The following KALRN variants were observed in gnomAD, a reference collection of about 807,000 sequenced individuals.
KALRN encodes the protein kalirin.
A neutral mutation model predicts 353.7 loss-of-function variants in KALRN; 70 were observed. That is an observed-to-expected ratio of 0.20 (90% CI 0.16 to 0.24). The LOEUF (loss-of-function observed/expected upper bound fraction) is 0.24, where lower values mean the gene tolerates loss of function less well. Ranked by LOEUF, KALRN falls within the 10% of genes least tolerant of loss-of-function variation. The pLI is 1.00. For synonymous variants in KALRN, 1,391 were observed against 1,434.8 expected (o/e 0.97, Z 0.69); for missense variants, 2,791 against 3,756.7 (o/e 0.74, Z 6.72).
intron 13 of KALRN, among the ~76,000 whole-genome samples, chr3:124,400,336 C>T (rs374497027): frequency 6.6e-6 from 1 of 152,158 alleles, no homozygotes; most frequent in East Asian, 1.9e-4. Context: ...ATCTGTACTC[C>T]TGCCTCCTTG....
chr3:124,284,163 G>C (rs1265612680), intron 5 of KALRN, among the ~76,000 whole-genome samples: 1 of 152,104 alleles, frequency 6.6e-6, no homozygotes, highest in Non-Finnish European at 1.5e-5. Context: ...AGGCTGGCTT[G>C]GTCTCCCCTT....
intron 1 of KALRN, among the ~76,000 whole-genome samples, chr3:124,132,055 T>C (rs892946100): frequency 6.6e-6 from 1 of 152,226 alleles, no homozygotes; most frequent in South Asian, 2.1e-4. Flanking sequence ...GGCTGTTTTT[T>C]ACAAGTAGAT....
intron 57 of KALRN, among the ~76,000 whole-genome samples, chr3:124,707,383 G>A (rs536599656): frequency 1.9e-4 from 28 of 150,450 alleles, no homozygotes; most frequent in Non-Finnish European, 3.5e-4. Context: ...TAATGACAAG[G>A]AGAATAGCAG....
chr3:124,474,439 C>G (rs924025028), intron 25 of KALRN, among the ~76,000 whole-genome samples: 13 of 151,846 alleles, frequency 8.6e-5, no homozygotes, highest in Non-Finnish European at 1.6e-4. Context: ...GTGTTCACTC[C>G]GAGAGAAAGA....
At chr3:124,416,017 G>A (rs2092473526) in intron 14 of KALRN, among the ~76,000 whole-genome samples, 1 of 152,170 alleles carries the variant, frequency 6.6e-6, no homozygotes, top group Admixed American at 6.5e-5. Flanking sequence ...CCTGGACTCG[G>A]GATTTAGCCC....
chr3:124,663,355 G>C (rs1334280191), intron 45 of KALRN, among the ~76,000 whole-genome samples: 1 of 152,140 alleles, frequency 6.6e-6, no homozygotes, highest in Admixed American at 6.5e-5. Flanking sequence ...TCCCAATAAG[G>C]TCACATGCTG....
intron 33 of KALRN, among the ~76,000 whole-genome samples, chr3:124,538,173 C>G (rs1321130221): frequency 6.6e-6 from 1 of 152,110 alleles, no homozygotes; most frequent in African/African-American, 2.4e-5. Flanking sequence ...CTTCTTTCAG[C>G]ACAGCAGGAC....
chr3:124,104,798 G>A (rs569951046), intron 1 of KALRN, among the ~76,000 whole-genome samples: 2 of 152,326 alleles, frequency 1.3e-5, no homozygotes, highest in East Asian at 3.9e-4. Context: ...GGTTGGAGAA[G>A]TAAGTCTTCT....
chr3:124,321,038 T>C (rs986605986), intron 6 of KALRN, among the ~76,000 whole-genome samples: 4 of 152,358 alleles, frequency 2.6e-5, no homozygotes, highest in Admixed American at 2.0e-4. Context: ...ATACTTTGAT[T>C]TGGTATACAC....
chr3:124,694,930 A>G (rs2061982353), intron 53 of KALRN, among the ~76,000 whole-genome samples: 1 of 152,244 alleles, frequency 6.6e-6, no homozygotes, highest in African/African-American at 2.4e-5. Context: ...ACCCTGGTAG[A>G]TGATCTTTCC....
intron 34 of KALRN, among the ~76,000 whole-genome samples, chr3:124,607,132 C>T (rs748992692): frequency 5.9e-5 from 9 of 152,134 alleles, no homozygotes; most frequent in African/African-American, 2.4e-5. Flanking sequence ...TTTGTAATAG[C>T]GAACAAGAAC....
At chr3:124,600,392 A>T (rs2076681051) in intron 34 of KALRN, among the ~76,000 whole-genome samples, 1 of 151,932 alleles carries the variant, frequency 6.6e-6, no homozygotes, top group African/African-American at 2.4e-5. Flanking sequence ...ATTGGTTTCA[A>T]CTCTTGTTTG....
intron 45 of KALRN, among the ~76,000 whole-genome samples, chr3:124,664,371 G>GCGCGCACGCGCGCGCGCGCA (rs1553719843): frequency 1.3e-5 from 1 of 77,044 alleles, no homozygotes; most frequent in Admixed American, 1.2e-4. Flanking sequence ...GTGTGTGTGT[G>GCGCGCACGCGCGCGCGCGCA]CGCGCGCGCG....
chr3:124,440,710 T>A (rs1262092540), intron 18 of KALRN, among the ~76,000 whole-genome samples: 4 of 151,774 alleles, frequency 2.6e-5, no homozygotes, highest in African/African-American at 4.8e-5. Flanking sequence ...AAGAAAAAAA[T>A]TTCAAAGAAA....
chr3:124,550,882 G>A (rs188026802), intron 33 of KALRN, among the ~76,000 whole-genome samples: 2,512 of 152,154 alleles, frequency 0.017, 63 homozygotes, highest in African/African-American at 0.056. Flanking sequence ...CCAGCTACTC[G>A]GGAGGCTGCG....
At chr3:124,152,128 A>T in intron 1 of KALRN, 3 of 1,296,542 alleles carry the variant, frequency 2.3e-6, no homozygotes, top group South Asian at 2.4e-5. Context: ...TATAGATCTC[A>T]TGAATCAGAT....
chr3:124,062,700 A>G (rs952775148), intron 1 of KALRN, among the ~76,000 whole-genome samples: 1 of 152,188 alleles, frequency 6.6e-6, no homozygotes, highest in African/African-American at 2.4e-5. Context: ...GTGCCTTAGA[A>G]AAATGGAGGC....
chr3:124,712,563 G>A (rs2062940732), intron 57 of KALRN, among the ~76,000 whole-genome samples: 1 of 150,266 alleles, frequency 6.7e-6, no homozygotes, highest in South Asian at 2.1e-4. Flanking sequence ...GGAGGCCGAA[G>A]CAAGAGGCTT....
chr3:124,551,506 A>G (rs541729151), intron 33 of KALRN, among the ~76,000 whole-genome samples: 1 of 152,294 alleles, frequency 6.6e-6, no homozygotes, highest in South Asian at 2.1e-4. Context: ...GTGCTCAGCA[A>G]CTGACCTAGA....
Sources: allele counts gnomAD v4.1 joint callset (sites outside exome capture counted in the v4.1 genomes callset), GRCh38; gene constraint gnomAD v4.1.1; transcripts MANE v1.5; gene names NCBI Gene and HGNC (gene_info 2026-07-23, HGNC 2026-07-21).